The following PPP1R1C variants were observed in gnomAD, a reference collection of about 807,000 sequenced individuals.
The protein encoded by PPP1R1C is protein phosphatase 1 regulatory subunit 1C.
In PPP1R1C, 15 loss-of-function variants were observed where a neutral mutation model predicts 17.4. The ratio of observed to expected loss-of-function variants is 0.86; its 90% CI spans 0.58 to 1.33. PPP1R1C has a LOEUF of 1.33. Among genes scored for constraint, PPP1R1C ranks in the 40% most tolerant of loss-of-function variants. The pLI is 0.00. For synonymous variants in PPP1R1C, 35 were observed against 43.1 expected (o/e 0.81, Z 0.73); for missense variants, 143 against 130.0 (o/e 1.10, Z -0.48).
At chr2:182,039,391 G>C (rs1172204025) in intron 2 of PPP1R1C, among the ~76,000 whole-genome samples, 3 of 151,768 alleles carry the variant, frequency 2.0e-5, no homozygotes, top group African/African-American at 4.9e-5. Flanking sequence ...TGTTGTTGTT[G>C]TTCTTTGTTT....
rs112825896 is a variant in PPP1R1C, at chr2:181,976,726, T to C, written n.157+1462T>C. Among the ~76,000 whole-genome samples, 3,714 of 152,244 alleles carry C rather than the reference T, an allele frequency of 0.024. 148 individuals are homozygous for C. The highest frequency in any genetic ancestry group is 0.083 in the African/African-American group (3,459 of 41,528). On this transcript the variant is annotated intron_variant and non_coding_transcript_variant, in intron 2 of 5. Transcript: ENST00000464264. This position sits in a 1 kb window ranked among gnomAD's most constrained non-coding sequence, Gnocchi z 4.8. Reference sequence around the variant, plus strand: ...CAGCCCAGGACATATTCAAGTCTGGTTCATCTATAAAATAAATCTAAAAAG... The same window carrying C: ...CAGCCCAGGACATATTCAAGTCTGGCTCATCTATAAAATAAATCTAAAAAG...
chr2:182,130,725 T>C (rs1689988672), downstream of PPP1R1C: 2 of 152,236 alleles, frequency 1.3e-5, no homozygotes, highest in African/African-American at 4.8e-5. Context: ...TGTTGCTCTC[T>C]TCTTTTACCC....
intron 2 of PPP1R1C, among the ~76,000 whole-genome samples, chr2:181,980,815 C>T (rs538923816): frequency 3.9e-5 from 6 of 151,966 alleles, no homozygotes; most frequent in East Asian, 1.9e-4. Context: ...TTCTTCAGTT[C>T]AATTCAGCAC....
intron 4 of PPP1R1C, among the ~76,000 whole-genome samples, chr2:182,080,615 A>G (rs1688447451): frequency 6.6e-6 from 1 of 152,200 alleles, no homozygotes; most frequent in Admixed American, 6.5e-5. Context: ...AATTCAGACT[A>G]TATGTCTATT....
rs967845938 is a variant in PPP1R1C, at chr2:181,967,317, G to GT, written n.112-7894dup. On this transcript the variant is annotated intron_variant and non_coding_transcript_variant, in intron 1 of 5. Transcript: ENST00000464264. This position sits in a 1 kb window ranked among gnomAD's most constrained non-coding sequence, Gnocchi z 5.5. ...TTATTTCTGCTCTGATACCTGTGGG[G>GT]TTTTTTTTCTTGTACTAATTTTGGG... Among the ~76,000 whole-genome samples, 23 of 151,518 alleles carry GT rather than the reference G, an allele frequency of 1.5e-4. No homozygotes were observed. The highest frequency in any genetic ancestry group is 3.9e-4 in the East Asian group (2 of 5,160).
chr2:182,076,854 G>A (rs1397200547), intron 4 of PPP1R1C, among the ~76,000 whole-genome samples: 2 of 152,162 alleles, frequency 1.3e-5, no homozygotes, highest in African/African-American at 4.8e-5. Context: ...AAATATGGAA[G>A]AGTGTTGTTT....
chr2:182,034,086 T>C (rs1475578206), intron 2 of PPP1R1C, among the ~76,000 whole-genome samples: 1 of 152,210 alleles, frequency 6.6e-6, no homozygotes, highest in Non-Finnish European at 1.5e-5. Flanking sequence ...GAGCACACCA[T>C]AATACATTTA....
chr2:182,029,473 T>G lies in PPP1R1C; in HGVS notation c.143-31969T>G, dbSNP rs376488701. On this transcript the variant is annotated intron_variant, in intron 2 of 4. Transcript: ENST00000682840. ...ATTTTATTTCTCCTTCACTTATGAA[T>G]CTTAGTTTGGCTGGATATGAAATTC... is the stretch of plus-strand genomic sequence containing the variant. 8.4e-3 allele frequency among the ~76,000 whole-genome samples: 1,246 copies of G among 148,986 alleles called. 8 individuals are homozygous for G. The highest frequency in any genetic ancestry group is 0.031 in the African/African-American group (1,189 of 38,782).
intron 4 of PPP1R1C, among the ~76,000 whole-genome samples, chr2:182,077,470 A>G (rs185894654): frequency 4.5e-4 from 68 of 152,322 alleles, no homozygotes; most frequent in African/African-American, 1.6e-3. Context: ...TGTTTTACTT[A>G]TAAGGCCAAA....
chr2:182,127,855 T>G (rs929373663), intron 5 of PPP1R1C, among the ~76,000 whole-genome samples: 1 of 152,038 alleles, frequency 6.6e-6, no homozygotes, highest in Non-Finnish European at 1.5e-5. Flanking sequence ...GATTTTCTTC[T>G]TCCTTAAGGC....
intron 2 of PPP1R1C, among the ~76,000 whole-genome samples, chr2:182,043,967 A>C (rs1045153378): frequency 2.6e-5 from 4 of 152,180 alleles, no homozygotes; most frequent in African/African-American, 9.6e-5. Flanking sequence ...AATTCCATGA[A>C]CTCAAAATCT....
At chr2:181,960,290 A>G (rs576761757) in intron 1 of PPP1R1C, among the ~76,000 whole-genome samples, 1 of 152,332 alleles carries the variant, frequency 6.6e-6, no homozygotes, top group South Asian at 2.1e-4. Flanking sequence ...TTTAAAAATA[A>G]TAAGTTTTTC....
chr2:181,982,096 A>C (rs191436463), upstream of PPP1R1C, among the ~76,000 whole-genome samples: 1 of 152,218 alleles, frequency 6.6e-6, no homozygotes, highest in South Asian at 2.1e-4. Flanking sequence ...AAAATACATT[A>C]AAAAGTTTAA....
At chr2:182,029,183 C>G (rs1235337639) in intron 2 of PPP1R1C, among the ~76,000 whole-genome samples, 18 of 148,254 alleles carry the variant, frequency 1.2e-4, no homozygotes, top group Non-Finnish European at 3.0e-5. Context: ...CAGTCTGTGT[C>G]TTTTAATTGG....
intron 2 of PPP1R1C, among the ~76,000 whole-genome samples, chr2:182,059,019 G>A (rs1387813746): frequency 1.3e-5 from 2 of 152,052 alleles, no homozygotes; most frequent in Admixed American, 6.6e-5. Context: ...TGTAGTTCAC[G>A]TGTGTATCCA....
intron 4 of PPP1R1C, among the ~76,000 whole-genome samples, chr2:182,112,369 A>G (rs1045818757): frequency 6.6e-6 from 1 of 152,124 alleles, no homozygotes; most frequent in African/African-American, 2.4e-5. Flanking sequence ...TCTGACTCCA[A>G]ATTCTATTGA....
At chr2:182,103,135 GT>G (rs997710497) in intron 4 of PPP1R1C, among the ~76,000 whole-genome samples, 113 of 152,246 alleles carry the variant, frequency 7.4e-4, no homozygotes, top group African/African-American at 2.3e-3. Context: ...CATTTATAAT[GT>G]CTAAAAGTTG....
chr2:182,103,376 T>C (rs1309363031), intron 4 of PPP1R1C, among the ~76,000 whole-genome samples: 5 of 152,220 alleles, frequency 3.3e-5, no homozygotes, highest in Admixed American at 1.3e-4. Flanking sequence ...ATTGCTCCTT[T>C]GCTTTAAGTA....
chr2:182,012,486 G>A (rs1222217621), intron 2 of PPP1R1C, among the ~76,000 whole-genome samples: 1 of 151,914 alleles, frequency 6.6e-6, no homozygotes, highest in East Asian at 1.9e-4. Context: ...TTTATGTTCA[G>A]TCTATGTGTG....
Sources: gnomAD v4.1 joint callset for allele counts (sites outside exome capture counted in the v4.1 genomes callset) on GRCh38, gnomAD v4.1.1 for gene constraint, Gnocchi (gnomAD v3.1) non-coding constraint, MANE v1.5 for transcripts, NCBI Gene and HGNC (gene_info 2026-07-23, HGNC 2026-07-21) for gene names.